Variants in ADAM10 observed in about 807,000 individuals in gnomAD.
The protein encoded by ADAM10 is disintegrin and metalloproteinase domain-containing protein 10.
Under a neutral mutation model 90.1 loss-of-function variants are expected in ADAM10, and 17 were observed. The ratio of observed to expected loss-of-function variants is 0.19; its 90% confidence interval spans 0.13 to 0.28. The LOEUF (loss-of-function observed/expected upper bound fraction) is 0.28, where lower values mean the gene tolerates loss of function less well. Among genes scored for constraint, ADAM10 ranks in the 10% least tolerant of loss-of-function variants. The pLI, the probability that ADAM10 is intolerant of heterozygous loss-of-function variation, is 1.00. For synonymous variants in ADAM10, 310 were observed against 298.6 expected (o/e 1.04, Z -0.40); for missense variants, 610 against 914.3 (o/e 0.67, Z 4.29).
At chr15:58,726,061 C>T (rs1447953623) in intron 1 of ADAM10, among the ~76,000 whole-genome samples, 2 of 151,818 alleles carry the variant, frequency 1.3e-5, no homozygotes, top group African/African-American at 4.8e-5. Flanking sequence ...CAAAGTTAAG[C>T]GAATACATTT....
chr15:58,670,144 C>T (rs1897161475), intron 4 of ADAM10, among the ~76,000 whole-genome samples: 1 of 151,108 alleles, frequency 6.6e-6, no homozygotes, highest in Admixed American at 6.6e-5. Context: ...GTAATACTGA[C>T]TACAGAGATG....
chr15:58,682,093 G>C (rs952639302), intron 3 of ADAM10, 103 bp downstream of exon 3: 1 of 1,530,406 alleles, frequency 6.5e-7, no homozygotes, highest in Non-Finnish European at 8.9e-7. Context: ...ACCTCCTCTG[G>C]ATTTATAACC....
intron 2 of ADAM10, among the ~76,000 whole-genome samples, chr15:58,689,948 C>CCCA: frequency 7.8e-6 from 1 of 128,388 alleles, no homozygotes; most frequent in Non-Finnish European, 1.7e-5. Flanking sequence ...AGACAGACCC[C>CCCA]CCCCAAAAAA....
intron 2 of ADAM10, among the ~76,000 whole-genome samples, chr15:58,707,802 T>C (rs1339343247): frequency 6.6e-6 from 1 of 152,128 alleles, no homozygotes; most frequent in Non-Finnish European, 1.5e-5. Context: ...AAGGGCCTGG[T>C]GCAGTGGCTC....
chr15:58,716,383 GTAACTT>G lies in ADAM10; in HGVS notation c.206+1188_206+1193del, dbSNP rs1295033467. On this transcript the variant is annotated intron_variant, in intron 2 of 15. Coordinates refer to ENST00000260408, the MANE Select transcript of ADAM10 (RefSeq NM_001110.4). ...CAAATGATGCCAATGATTCAGATAA[GTAACTT>G]TAAAGTTTAGACGGAATTAAAAAGT... Among the ~76,000 whole-genome samples the G allele has an allele frequency of 6.6e-5, 10 of 152,300 alleles. No individual in the cohort carries two copies. The East Asian group carries it at 1.9e-3, about 29-fold the overall frequency.
Position 58,621,636 on chromosome 15 carries a change from C to T in ADAM10, c.1361-15G>A, listed in dbSNP as rs199607783. On this transcript the variant is annotated splice_polypyrimidine_tract_variant and intron_variant, in intron 10 of 15. Coordinates refer to ENST00000260408, the MANE Select transcript of ADAM10 (RefSeq NM_001110.4). ...TTGGCCAGATTCTGAGGAAAATAAACAAGACAAAGTAAGCATTGTGTGCAC... is the reference window on the plus strand; with the variant it reads ...TTGGCCAGATTCTGAGGAAAATAAATAAGACAAAGTAAGCATTGTGTGCAC... 1 of 1,613,444 alleles carries T rather than the reference C, an allele frequency of 6.2e-7. No homozygotes were observed. Among genetic ancestry groups the T allele is most frequent in the African/African-American group, 1.3e-5 (1 of 75,020 alleles).
chr15:58,619,168 T>C (rs986117488), intron 11 of ADAM10, among the ~76,000 whole-genome samples: 30 of 152,104 alleles, frequency 2.0e-4, no homozygotes, highest in African/African-American at 7.0e-4. Context: ...AGCAAAATAC[T>C]GTCATGTGCA....
At chr15:58,703,005 G>C (rs962745241) in intron 2 of ADAM10, among the ~76,000 whole-genome samples, 12 of 152,102 alleles carry the variant, frequency 7.9e-5, no homozygotes, top group African/African-American at 2.9e-4. Flanking sequence ...ACTACAATCT[G>C]TTTGACAGTC....
chr15:58,653,001 CTT>C (rs1318939519), intron 5 of ADAM10, among the ~76,000 whole-genome samples: 2 of 152,082 alleles, frequency 1.3e-5, no homozygotes, highest in African/African-American at 4.8e-5. Flanking sequence ...GATTGCTTCT[CTT>C]TTTCAGACTG....
chr15:58,709,745 AT>A (rs1223086182), intron 2 of ADAM10, among the ~76,000 whole-genome samples: 1 of 151,274 alleles, frequency 6.6e-6, no homozygotes, highest in Non-Finnish European at 1.5e-5. Context: ...ACCTCAAAAA[AT>A]AAATAAAAAA....
At chr15:58,664,441 C>A (rs1211208304) in intron 5 of ADAM10, among the ~76,000 whole-genome samples, 1 of 152,026 alleles carries the variant, frequency 6.6e-6, no homozygotes, top group Non-Finnish European at 1.5e-5. Context: ...ACTAGAAAGA[C>A]CCACCTGAAA....
chr15:58,717,811 A>G, intron 1 of ADAM10, 84 bp from the exon 2 acceptor site: 1 of 1,533,988 alleles, frequency 6.5e-7, no homozygotes, highest in South Asian at 1.2e-5. Flanking sequence ...GTATCTATGA[A>G]TATGTATGAA....
chr15:58,686,410 C>G, intron 2 of ADAM10: 1 of 1,244,856 alleles, frequency 8.0e-7, no homozygotes, highest in African/African-American at 1.5e-5. Flanking sequence ...GCGCCGCCAC[C>G]ATGTCCTCTG....
chr15:58,675,057 G>A (rs1241650005), intron 4 of ADAM10, among the ~76,000 whole-genome samples: 1 of 152,188 alleles, frequency 6.6e-6, no homozygotes, highest in Non-Finnish European at 1.5e-5. Flanking sequence ...TTAGCTGGGC[G>A]TGATGGCACA....
At chr15:58,637,897 T>A (rs1896308787) in intron 8 of ADAM10, among the ~76,000 whole-genome samples, 1 of 152,036 alleles carries the variant, frequency 6.6e-6, no homozygotes, top group South Asian at 2.1e-4. Flanking sequence ...CTCATAAGGG[T>A]ATTGAAATAA....
intron 2 of ADAM10, among the ~76,000 whole-genome samples, chr15:58,703,000 A>G (rs1225629903): frequency 6.6e-6 from 1 of 152,204 alleles, no homozygotes; most frequent in Non-Finnish European, 1.5e-5. Context: ...ATTCTACTAC[A>G]ATCTGTTTGA....
At chr15:58,732,946 T>C (rs1254992597) in intron 1 of ADAM10, 1 of 152,598 alleles carries the variant, frequency 6.6e-6, no homozygotes, top group Admixed American at 6.5e-5. Context: ...TCTTACAGCA[T>C]ATAAGAGAAT....
intron 1 of ADAM10, among the ~76,000 whole-genome samples, chr15:58,720,394 ATTTT>A (rs1898809026): frequency 6.9e-6 from 1 of 145,706 alleles, no homozygotes; most frequent in Non-Finnish European, 1.5e-5. Context: ...ATTTTATTTT[ATTTT>A]ATTTTATTTT....
chr15:58,699,020 CAA>C (rs2140786619), intron 2 of ADAM10, among the ~76,000 whole-genome samples: 1 of 152,152 alleles, frequency 6.6e-6, no homozygotes, highest in East Asian at 1.9e-4. Flanking sequence ...AAGTCAAAGA[CAA>C]AGAGAGAATT....
Sources: gnomAD v4.1 joint callset for allele counts (sites outside exome capture counted in the v4.1 genomes callset) on GRCh38, gnomAD v4.1.1 for gene constraint, MANE v1.5 for transcripts, NCBI Gene and HGNC (gene_info 2026-07-23, HGNC 2026-07-21) for gene names.